The following TMEM175 variants were observed in gnomAD, a reference collection of about 807,000 sequenced individuals.
The protein encoded by TMEM175 is endosomal/lysosomal proton channel TMEM175.
A neutral mutation model predicts 36.5 loss-of-function variants in TMEM175; 36 were observed. That is an observed-to-expected ratio of 0.99 (90% CI 0.76 to 1.30). The LOEUF (loss-of-function observed/expected upper bound fraction) is 1.30. TMEM175 is among the 50% of genes most tolerant of loss of function. TMEM175 has a pLI of 0.00. For missense variants in TMEM175, 705 were observed against 692.8 expected (o/e 1.02, Z -0.20); for synonymous variants, 339 against 313.4 (o/e 1.08, Z -0.86).
At chr4:947,115 CG>C (rs1222946322) in intron 1 of TMEM175, among the ~76,000 whole-genome samples, 10 of 141,992 alleles carry the variant, frequency 7.0e-5, no homozygotes, top group Non-Finnish European at 1.5e-5. Flanking sequence ...CGTGCACGGG[CG>C]CCGAGACCGG....
chr4:939,912 G>A (rs1002486078), intron 1 of TMEM175, among the ~76,000 whole-genome samples: 7 of 152,196 alleles, frequency 4.6e-5, no homozygotes, highest in East Asian at 1.9e-4. Flanking sequence ...TTTCATCAGC[G>A]TGAAGAACTT....
Position 932,967 on chromosome 4 carries a change from A to G in TMEM175, c.-32+427A>G, listed in dbSNP as rs1286078933. Reference sequence around the variant, plus strand: ...AGAAAAACCTTCGTCCTGGGCAACCACAACACTGCAGAGACTGCCCTGTGA... The same window carrying G: ...AGAAAAACCTTCGTCCTGGGCAACCGCAACACTGCAGAGACTGCCCTGTGA... On this transcript the variant is annotated intron_variant, in intron 1 of 10. Coordinates refer to ENST00000264771, the MANE Select transcript of TMEM175 (RefSeq NM_032326.4). This position sits in a 1 kb window ranked among gnomAD's most constrained non-coding sequence, Gnocchi z 4.0. Among the ~76,000 whole-genome samples the G allele has an allele frequency of 6.6e-6, 1 of 152,228 alleles. No individual in the cohort carries two copies. The highest frequency in any genetic ancestry group is 1.5e-5 in the Non-Finnish European group (1 of 68,036).
chr4:956,693 C>T (rs1729701821), intron 10 of TMEM175: 2 of 345,352 alleles, frequency 5.8e-6, no homozygotes, highest in South Asian at 2.2e-5. Flanking sequence ...ATCTGCCCAC[C>T]TCGGCCTCCC....
At position 955,901 on chromosome 4, in the gene TMEM175, C is replaced by G. The variant is rs373820111; in HGVS notation, c.842+11C>G. On this transcript the variant is annotated intron_variant, in intron 10 of 10. Transcript: ENST00000264771. Reference sequence around the variant, plus strand: ...CATCCTGGACATCTGGTGAGGACCCCGCGTCACCTGCCCCAGCTATCAGGT... The same window carrying G: ...CATCCTGGACATCTGGTGAGGACCCGGCGTCACCTGCCCCAGCTATCAGGT... The G allele has an allele frequency of 5.0e-6, 8 of 1,609,726 alleles. No individual in the cohort carries two copies. The African/African-American group carries it at 8.0e-5, about 16-fold the overall frequency.
At chr4:938,058 C>T (rs1370717007) in intron 1 of TMEM175, among the ~76,000 whole-genome samples, 1 of 151,968 alleles carries the variant, frequency 6.6e-6, no homozygotes, top group Admixed American at 6.6e-5. Flanking sequence ...GTAAGGGCAT[C>T]TGTGAAAAAC....
At chr4:952,298 C>G (rs1463816265) in intron 6 of TMEM175, 69 bp from the exon 7 acceptor site, 3 of 1,427,048 alleles carry the variant, frequency 2.1e-6, no homozygotes, top group Non-Finnish European at 2.9e-6. Context: ...TCACCATGGC[C>G]CAGTTCCAGG....
In TMEM175 at chr4:945,163, G is replaced by A. The variant is rs941382539; in HGVS notation, c.-31-2546G>A. ...TGCAGACCCTAGGCAGCCTGTCATG[G>A]CAGTCCCAGTGAGACTGCCTGGAAT... On this transcript the variant is annotated intron_variant, in intron 1 of 10. Coordinates refer to ENST00000264771, the MANE Select transcript of TMEM175 (RefSeq NM_032326.4). 2.6e-5 allele frequency among the ~76,000 whole-genome samples: 4 copies of A among 152,238 alleles called. No homozygotes were observed. In the East Asian group the frequency reaches 7.7e-4, roughly 29 times the overall value.
chr4:949,660 G>C (rs1378451042), intron 3 of TMEM175, among the ~76,000 whole-genome samples: 5 of 150,394 alleles, frequency 3.3e-5, no homozygotes, highest in Admixed American at 3.3e-4. Flanking sequence ...ACAGTAAAGT[G>C]CTCAGTGTTC....
rs535657353 is a variant in TMEM175 at position 950,806 on chromosome 4, T to C, written c.290+288T>C. On this transcript the variant is annotated intron_variant, in intron 4 of 10. Coordinates refer to ENST00000264771, the MANE Select transcript of TMEM175 (RefSeq NM_032326.4). ...TAGGCGGAGGTGTGGATGGTGTGGA[T>C]GGTGCAATAGGTGGAGGTGTGGATG... Among the ~76,000 whole-genome samples, 5 of 142,928 alleles carry C rather than the reference T, an allele frequency of 3.5e-5. No individual in the cohort carries two copies. In the South Asian group the frequency reaches 1.1e-3, roughly 32 times the overall value. The allele number at this position is 142,928 out of a possible 152,430, so 93.8% of individuals were successfully genotyped here. A position where few individuals can be genotyped will look rare whatever the true frequency, so the allele number is the denominator to read the frequency against.
In TMEM175 at chr4:950,465, C is replaced by T. The variant is rs201255814; in HGVS notation, c.237C>T (p.Ala79=). 53 of 1,614,000 alleles carry T rather than the reference C, an allele frequency of 3.3e-5. No homozygotes were observed. Among genetic ancestry groups the T allele is most frequent in the East Asian group, 4.5e-5 (2 of 44,898 alleles). The change falls in exon 4 of 11, where the codon GCC becomes GCT. Residue 79 remains alanine (A), a synonymous_variant. Coordinates refer to ENST00000264771, the MANE Select transcript of TMEM175 (RefSeq NM_032326.4). The stretch of plus-strand genomic sequence containing the variant: ...AGAGGCTTCTGGCAACACGGATTGC[C>T]GTCTACCTGATGACCTTTCTCATCG... ...SVQRLLATRI[A]VYLMTFLIVT...
chr4:956,050 G>C, intron 10 of TMEM175, 160 bp downstream of exon 10: 1 of 973,738 alleles, frequency 1.0e-6, no homozygotes. Flanking sequence ...CCCCACTTCA[G>C]GGAGGACAAC....
intron 4 of TMEM175, among the ~76,000 whole-genome samples, chr4:950,788 AGGTGTGGAT>A (rs1214542099): frequency 5.7e-5 from 8 of 141,038 alleles, no homozygotes; most frequent in African/African-American, 1.6e-4. Flanking sequence ...CAGTAGGCGG[AGGTGTGGAT>A]GGTGTGGATG....
chr4:955,003 C>T (rs1729429872), intron 8 of TMEM175, among the ~76,000 whole-genome samples: 1 of 152,166 alleles, frequency 6.6e-6, no homozygotes, highest in Non-Finnish European at 1.5e-5. Flanking sequence ...AATTTTAAGA[C>T]ACGGTCTTGC....
intron 1 of TMEM175, among the ~76,000 whole-genome samples, chr4:937,962 G>A (rs887470366): frequency 6.6e-6 from 1 of 151,172 alleles, no homozygotes; most frequent in African/African-American, 2.4e-5. Flanking sequence ...ATACAGAGAA[G>A]CATTTGACAG....
intron 1 of TMEM175, among the ~76,000 whole-genome samples, chr4:943,591 G>C (rs1470236469): frequency 6.6e-6 from 1 of 152,204 alleles, no homozygotes; most frequent in African/African-American, 2.4e-5. Flanking sequence ...AGTACCAGAG[G>C]AGATGAGCAA....
chr4:958,476 C>A lies in TMEM175; in HGVS notation c.1495C>A (p.Leu499Ile). ...GGGCCAGGACGACCCACAGTCCCAG[C>A]TCCTCCCTGCCCCCTGCTAGCAGCC... The part of the protein sequence containing the change: ...PTGQDDPQSQ[L>I]LPAPC Residue 499 changes from leucine to isoleucine, a missense_variant, in exon 11 of 11, where the codon CTC (leucine) becomes ATC (isoleucine). Coordinates refer to ENST00000264771, the MANE Select transcript of TMEM175 (RefSeq NM_032326.4). The A allele has an allele frequency of 6.4e-7, 1 of 1,554,620 alleles. No individual in the cohort carries two copies. The highest frequency in any genetic ancestry group is 1.2e-5 in the South Asian group (1 of 85,428).
chr4:955,526 C>T lies in TMEM175; in HGVS notation c.706+43C>T, dbSNP rs55790660. 5.1e-3 allele frequency: 8,115 copies of T among 1,576,874 alleles called. 55 individuals are homozygous for T. Among genetic ancestry groups the T allele is most frequent in the Middle Eastern group, 0.015 (90 of 5,942 alleles). ...GGGCTGGCCTGAGAGGCCTGTAGTCCGCCCACCTCCGTGCGGCTGCTCCGC... is the reference window on the plus strand; with the variant it reads ...GGGCTGGCCTGAGAGGCCTGTAGTCTGCCCACCTCCGTGCGGCTGCTCCGC... On this transcript the variant is annotated intron_variant, in intron 9 of 10. Coordinates refer to ENST00000264771, the MANE Select transcript of TMEM175 (RefSeq NM_032326.4).
chr4:932,642 C>T lies in TMEM175; in HGVS notation c.-32+102C>T, dbSNP rs1726133274. ...TCTCCGGTTTAAGCGCTTCGCCATC[C>T]TCTGGGTGGAGTCAGCCTCCCGTTT... On this transcript the variant is annotated intron_variant, in intron 1 of 10. Transcript: ENST00000264771. The surrounding 1 kb of genome is among the most constrained non-coding windows in gnomAD (Gnocchi z 4.0). 5.8e-6 allele frequency: 2 copies of T among 342,974 alleles called. No individual in the cohort carries two copies. The highest frequency in any genetic ancestry group is 9.6e-5 in the Admixed American group (2 of 20,770). The allele number at this position is 342,974 out of a possible 1,614,324, so 21.2% of individuals were successfully genotyped here.
chr4:948,759 G>C, intron 3 of TMEM175: 1 of 979,262 alleles, frequency 1.0e-6, no homozygotes, highest in African/African-American at 1.7e-5. Context: ...ACAGGGTCGT[G>C]CGGCCCAAGC....
Sources: allele counts gnomAD v4.1 joint callset (sites outside exome capture counted in the v4.1 genomes callset), GRCh38; gene constraint gnomAD v4.1.1; non-coding constraint Gnocchi (gnomAD v3.1); transcripts MANE v1.5; gene names NCBI Gene and HGNC (gene_info 2026-07-23, HGNC 2026-07-21).